KLHL2: variants seen among roughly 807,000 people sequenced by gnomAD.
KLHL2 encodes kelch-like protein 2.
A neutral mutation model predicts 75.8 loss-of-function variants in KLHL2; 15 were observed. The observed-to-expected ratio is 0.20, with a 90% CI of 0.13 to 0.30. The LOEUF (loss-of-function observed/expected upper bound fraction) is 0.30. Among genes scored for constraint, KLHL2 ranks in the 10% least tolerant of loss-of-function variants. The pLI, the probability that KLHL2 is intolerant of heterozygous loss-of-function variation, is 1.00. For missense variants in KLHL2, 381 were observed against 741.0 expected (o/e 0.51, Z 5.64); for synonymous variants, 214 against 251.9 (o/e 0.85, Z 1.42).
intron 5 of KLHL2, among the ~76,000 whole-genome samples, chr4:165,264,750 A>ATATATG (rs1742090837): frequency 1.1e-5 from 1 of 88,332 alleles, no homozygotes; most frequent in Admixed American, 1.2e-4. Context: ...GTATATATAT[A>ATATATG]TATATATATA....
intron 8 of KLHL2, among the ~76,000 whole-genome samples, chr4:165,300,912 A>T (rs2126523003): frequency 6.6e-6 from 1 of 152,084 alleles, no homozygotes; most frequent in South Asian, 2.1e-4. Context: ...TTTACTTTGG[A>T]GTCTACATTT....
At chr4:165,239,264 CTT>C (rs60521648) in intron 4 of KLHL2, among the ~76,000 whole-genome samples, 91 of 134,794 alleles carry the variant, frequency 6.8e-4, no homozygotes, top group Non-Finnish European at 8.8e-4. Context: ...TTATTTCTGT[CTT>C]TTTTTTTTTT....
rs1440421887 is a variant in KLHL2 at position 165,264,715 on chromosome 4, T to TATATAC, written c.544+1362_544+1367dup. On this transcript the variant is annotated intron_variant, in intron 5 of 14. Transcript: ENST00000226725. ...GTGTGTGTGTGTGTGTATATATATA[T>TATATAC]ATATACATATATATATATATATATG... is the stretch of plus-strand genomic sequence containing the variant. 5.3e-5 allele frequency among the ~76,000 whole-genome samples: 4 copies of TATATAC among 75,838 alleles called. No individual in the cohort carries two copies. In the South Asian group the frequency reaches 1.4e-3, roughly 27 times the overall value. 49.8% of individuals were successfully genotyped at this position (75,838 alleles called of 152,430 possible). A position where few individuals can be genotyped will look rare whatever the true frequency, so the allele number is the denominator to read the frequency against.
chr4:165,243,956 A>G (rs1201389786), intron 4 of KLHL2, among the ~76,000 whole-genome samples: 1 of 152,240 alleles, frequency 6.6e-6, no homozygotes, highest in East Asian at 1.9e-4. Flanking sequence ...TTGTATTCCA[A>G]TCTTTGTTTG....
At chr4:165,302,184 G>T (rs184388205) in intron 8 of KLHL2, among the ~76,000 whole-genome samples, 1 of 152,138 alleles carries the variant, frequency 6.6e-6, no homozygotes, top group Non-Finnish European at 1.5e-5. Context: ...GACTTTGCAT[G>T]TTTACTTGTA....
intron 1 of KLHL2, among the ~76,000 whole-genome samples, chr4:165,217,345 T>A (rs1269213546): frequency 6.6e-6 from 1 of 152,228 alleles, no homozygotes; most frequent in Non-Finnish European, 1.5e-5. Context: ...ATCTGTCTTA[T>A]ACTATAAAGT....
chr4:165,218,086 G>A (rs560569310), intron 1 of KLHL2, among the ~76,000 whole-genome samples: 2 of 152,258 alleles, frequency 1.3e-5, no homozygotes, highest in South Asian at 2.1e-4. Flanking sequence ...CCTCCACTGC[G>A]ACTGTCCTCC....
intron 14 of KLHL2, among the ~76,000 whole-genome samples, chr4:165,320,919 C>T (rs1041102574): frequency 1.3e-5 from 2 of 152,056 alleles, no homozygotes; most frequent in African/African-American, 2.4e-5. Flanking sequence ...GAACATGACT[C>T]GACGGAGATG....
rs537134862 is a variant in KLHL2, at chr4:165,221,447, C to A, written c.152+1388C>A. On this transcript the variant is annotated intron_variant, in intron 2 of 14. Coordinates refer to ENST00000226725, the MANE Select transcript of KLHL2 (RefSeq NM_007246.4). ...TCCAGGCATTGGGAATGCTGTGCCA[C>A]ATCTTAGGGTAGGAAGGAGCTGGCC... Among the ~76,000 whole-genome samples the A allele has an allele frequency of 3.3e-5, 5 of 152,170 alleles. No individual in the cohort carries two copies. In the South Asian group the frequency reaches 1.0e-3, roughly 32 times the overall value.
chr4:165,225,976 GTAT>G (rs1270205138), intron 2 of KLHL2, among the ~76,000 whole-genome samples: 2 of 152,158 alleles, frequency 1.3e-5, no homozygotes, highest in African/African-American at 2.4e-5. Context: ...CAGCCAGCAG[GTAT>G]TATGTTAGAA....
At chr4:165,293,501 T>C (rs988839971) in intron 5 of KLHL2, among the ~76,000 whole-genome samples, 13 of 147,698 alleles carry the variant, frequency 8.8e-5, no homozygotes, top group African/African-American at 2.0e-4. Context: ...CTGTCTCTCT[T>C]TTTTTTTTTT....
chr4:165,300,611 A>G (rs1310446475), intron 8 of KLHL2, among the ~76,000 whole-genome samples: 1 of 152,064 alleles, frequency 6.6e-6, no homozygotes, highest in Non-Finnish European at 1.5e-5. Flanking sequence ...TTATGAAATA[A>G]CCCCTCATTT....
Position 165,207,870 on chromosome 4 carries a change from A to G in KLHL2, c.-7A>G. 6.9e-7 allele frequency: 1 copy of G among 1,450,918 alleles called. No individual in the cohort carries two copies. The highest frequency in any genetic ancestry group is 9.1e-7 in the Non-Finnish European group (1 of 1,095,434). The allele number at this position is 1,450,918 out of a possible 1,614,324, so 89.9% of individuals were successfully genotyped here. On this transcript the variant is annotated 5_prime_UTR_variant, in exon 1 of 15. Coordinates refer to ENST00000226725, the MANE Select transcript of KLHL2 (RefSeq NM_007246.4). This position sits in a 1 kb window ranked among gnomAD's most constrained non-coding sequence, Gnocchi z 4.2. ...TGCCTGCGTTCTGAAGCCCGAGAGGAGCCACAATGGAGACGCCGCCGCTGC... is the reference window on the plus strand; with the variant it reads ...TGCCTGCGTTCTGAAGCCCGAGAGGGGCCACAATGGAGACGCCGCCGCTGC...
intron 8 of KLHL2, among the ~76,000 whole-genome samples, chr4:165,301,123 T>G (rs569630041): frequency 6.6e-6 from 1 of 152,332 alleles, no homozygotes; most frequent in South Asian, 2.1e-4. Flanking sequence ...ACTGACACAG[T>G]CTATTTGTGG....
intron 7 of KLHL2, among the ~76,000 whole-genome samples, chr4:165,298,508 C>T (rs1466640405): frequency 1.3e-5 from 2 of 151,990 alleles, no homozygotes; most frequent in Non-Finnish European, 2.9e-5. Flanking sequence ...CCGCTAGGAA[C>T]ATTTCAGCAT....
intron 5 of KLHL2, among the ~76,000 whole-genome samples, chr4:165,265,164 G>A (rs536936825): frequency 1.3e-5 from 2 of 152,094 alleles, no homozygotes; most frequent in South Asian, 2.1e-4. Flanking sequence ...TTGACCATTT[G>A]TATATCTTCT....
chr4:165,279,290 G>A (rs1221134767), intron 5 of KLHL2: 12 of 1,541,912 alleles, frequency 7.8e-6, no homozygotes, highest in South Asian at 1.1e-5. Flanking sequence ...GGTAGACTGT[G>A]TTCTTAGATC....
chr4:165,288,128 G>GT (rs535275543), intron 5 of KLHL2, among the ~76,000 whole-genome samples: 2 of 152,070 alleles, frequency 1.3e-5, no homozygotes, highest in Non-Finnish European at 2.9e-5. Context: ...GAATTTTATA[G>GT]TTTTGAGTCT....
rs544578330 is a variant in KLHL2, at chr4:165,249,374, C to T, written c.381+10475C>T. Among the ~76,000 whole-genome samples the T allele has an allele frequency of 3.9e-5, 6 of 152,188 alleles. No individual in the cohort carries two copies. In the South Asian group the frequency reaches 8.3e-4, roughly 21 times the overall value. On this transcript the variant is annotated intron_variant, in intron 4 of 14. Transcript: ENST00000226725. ...TTCTAGGGACTGTGTTTACATTATC[C>T]GGTGTGCATCATTCTCAGGACCTAG...
Sources: allele counts gnomAD v4.1 joint callset (sites outside exome capture counted in the v4.1 genomes callset), GRCh38; gene constraint gnomAD v4.1.1; non-coding constraint Gnocchi (gnomAD v3.1); transcripts MANE v1.5; gene names NCBI Gene and HGNC (gene_info 2026-07-23, HGNC 2026-07-21).